Variants in UVSSA observed in about 807,000 individuals in gnomAD.
The protein encoded by UVSSA is UV stimulated scaffold protein A, also known as UV-stimulated scaffold protein A.
UVSSA carries 72 observed loss-of-function variants against 73.9 expected under a neutral mutation model. The ratio of observed to expected loss-of-function variants is 0.97; its 90% CI spans 0.81 to 1.19. The LOEUF (loss-of-function observed/expected upper bound fraction) is 1.19. Among genes scored for constraint, UVSSA ranks in the 50% most tolerant of loss-of-function variants. The pLI is 0.00. For missense variants in UVSSA, 1,150 were observed against 965.0 expected, an observed-to-expected ratio of 1.19 and a Z score of -2.54; for synonymous variants, 454 against 391.3, an observed-to-expected ratio of 1.16 and a Z score of -1.89.
In UVSSA at chr4:1,353,341, G is replaced by A. The variant is rs141268114; in HGVS notation, c.862G>A (p.Asp288Asn). 1.0e-4 allele frequency: 163 copies of A among 1,610,862 alleles called. No individual in the cohort carries two copies. In the African/African-American group the frequency reaches 1.6e-3, roughly 16 times the overall value. ...CCCCTCAGATGAGGACGAGGACAGC[G>A]ACCTCGAGGAGTTTGTGCGGAGCCA... ...GDPSDEDEDS[D>N]LEEFVRSHGL... Residue 288 changes from aspartate to asparagine, a missense_variant, in exon 5 of 14, where the codon GAC becomes AAC. Asp to Asn is a conservative substitution (Grantham distance 23). Transcript: ENST00000389851.
At position 1,386,224 on chromosome 4, in the gene UVSSA, G is replaced by T. The variant is rs1720102718; in HGVS notation, c.*263G>T. On this transcript the variant is annotated 3_prime_UTR_variant, in exon 14 of 14. Coordinates refer to ENST00000389851, the MANE Select transcript of UVSSA (RefSeq NM_020894.4). ...ACAGGCAGCGACCCTGTTCCAGAGG[G>T]CTTCTGCGAGTCCTCGTGAGACCAG... 21 of 452,444 alleles carry T rather than the reference G, an allele frequency of 4.6e-5. No homozygotes were observed. In the South Asian group the frequency reaches 4.9e-4, roughly 10 times the overall value. The allele number at this position is 452,444 out of a possible 1,614,324, so 28.0% of individuals were successfully genotyped here.
At chr4:1,352,694 G>A (rs1380208259) in intron 4 of UVSSA, among the ~76,000 whole-genome samples, 3 of 152,256 alleles carry the variant, frequency 2.0e-5, no homozygotes, top group Non-Finnish European at 2.9e-5. Context: ...ACTCATGCCT[G>A]TCATCCCGGC....
At chr4:1,383,734 C>T (rs763709423) in intron 12 of UVSSA, 32 bp from the exon 13 acceptor site, 38 of 1,611,352 alleles carry the variant, frequency 2.4e-5, no homozygotes, top group South Asian at 2.0e-4. Flanking sequence ...CAGTGCCAGA[C>T]GTCTCCTGAA....
At chr4:1,376,309 T>C in intron 10 of UVSSA, 141 bp downstream of exon 10, 2 of 1,301,052 alleles carry the variant, frequency 1.5e-6, no homozygotes, top group Non-Finnish European at 2.0e-6. Flanking sequence ...TCCGGGCACC[T>C]GGAGGGGCAC....
intron 7 of UVSSA, among the ~76,000 whole-genome samples, chr4:1,362,041 C>G (rs2109164045): frequency 6.6e-6 from 1 of 152,344 alleles, no homozygotes; most frequent in South Asian, 2.1e-4. Flanking sequence ...ACGGCCTCTC[C>G]TCTTCCTTTC....
chr4:1,353,274 A>G lies in UVSSA; in HGVS notation c.795A>G (p.Arg265=). 6.2e-7 allele frequency: 1 copy of G among 1,611,246 alleles called. No individual in the cohort carries two copies. The highest frequency in any genetic ancestry group is 1.1e-5 in the South Asian group (1 of 91,078). ...RDLPASAGHP[R]AGGGAQPSQT... is the part of the protein sequence containing the mutation. ...TGCCTGCCTCTGCAGGCCACCCCAG[A>G]GCGGGCGGCGGGGCACAGCCATCCC... The change falls in exon 5 of 14, where the codon AGA becomes AGG. Residue 265 remains arginine, a synonymous_variant. Coordinates refer to ENST00000389851, the MANE Select transcript of UVSSA (RefSeq NM_020894.4).
Position 1,387,295 on chromosome 4 carries a change from C to G in UVSSA, c.*1334C>G, listed in dbSNP as rs1164449627. ...ATTTCACTGTGTTGGCTGGGATGGT[C>G]TTGATCTCTTGACCTCGTGATCCAC... On this transcript the variant is annotated 3_prime_UTR_variant, in exon 14 of 14. Coordinates refer to ENST00000389851, the MANE Select transcript of UVSSA (RefSeq NM_020894.4). 2.0e-5 allele frequency: 3 copies of G among 152,134 alleles called. No homozygotes were observed. The highest frequency in any genetic ancestry group is 4.4e-5 in the Non-Finnish European group (3 of 68,064). 9.4% of individuals were successfully genotyped at this position (152,134 alleles called of 1,614,324 possible). A position where few individuals can be genotyped will look rare whatever the true frequency, so the allele number is the denominator to read the frequency against.
chr4:1,375,626 G>A, intron 9 of UVSSA, 118 bp downstream of exon 9: 1 of 1,466,818 alleles, frequency 6.8e-7, no homozygotes, highest in Non-Finnish European at 9.1e-7. Context: ...CTTGGTGGAA[G>A]CCTTGGGTGT....
chr4:1,348,178 G>C lies in UVSSA; in HGVS notation c.87G>C (p.Lys29Asn). ...RLNPEKMKEL[K>N]KICKSSEEQL... ...ATCCTGAGAAAATGAAGGAACTGAAGAAAATTTGCAAGTATGTCTTAGGGT... is the reference window on the plus strand; with the variant it reads ...ATCCTGAGAAAATGAAGGAACTGAACAAAATTTGCAAGTATGTCTTAGGGT... Residue 29 changes from lysine to asparagine, a missense_variant, in exon 2 of 14, where the codon AAG (lysine) becomes AAC (asparagine). By Grantham distance (94) the Lys-to-Asn change is moderately conservative. Coordinates refer to ENST00000389851, the MANE Select transcript of UVSSA (RefSeq NM_020894.4). 1.2e-6 allele frequency: 2 copies of C among 1,613,584 alleles called. No individual in the cohort carries two copies. The highest frequency in any genetic ancestry group is 2.7e-5 in the African/African-American group (2 of 75,044).
chr4:1,380,359 G>C (rs1054131614), intron 11 of UVSSA, 129 bp downstream of exon 11: 1 of 1,241,750 alleles, frequency 8.1e-7, no homozygotes, highest in South Asian at 1.5e-5. Context: ...CCCATGGAAG[G>C]GGCTTATCCG....
intron 11 of UVSSA, 37 bp downstream of exon 11, chr4:1,380,267 C>T: frequency 2.5e-6 from 4 of 1,588,736 alleles, no homozygotes; most frequent in Admixed American, 1.7e-5. Flanking sequence ...TGGGTGTGGG[C>T]TGGACCAGGT....
chr4:1,374,304 T>G lies in UVSSA; in HGVS notation c.1289-1060T>G, dbSNP rs1348690968. 3.3e-5 allele frequency among the ~76,000 whole-genome samples: 5 copies of G among 152,328 alleles called. No homozygotes were observed. The South Asian group carries it at 1.0e-3, about 32-fold the overall frequency. ...AACCCATAGCCTACCTGGCACCTCCTGTGCCTCCTGCCATCCCGACGCCTC... is the reference window on the plus strand; with the variant it reads ...AACCCATAGCCTACCTGGCACCTCCGGTGCCTCCTGCCATCCCGACGCCTC... On this transcript the variant is annotated intron_variant, in intron 8 of 13. Coordinates refer to ENST00000389851, the MANE Select transcript of UVSSA (RefSeq NM_020894.4).
chr4:1,346,651 C>T (rs936692754), upstream of UVSSA, among the ~76,000 whole-genome samples: 16 of 152,190 alleles, frequency 1.1e-4, no homozygotes, highest in South Asian at 3.1e-3. Flanking sequence ...GTTCAGGGCG[C>T]CCTGCGCGGG....
Position 1,380,080 on chromosome 4 carries a change from C to G in UVSSA, c.1602C>G (p.Ser534Arg), listed in dbSNP as rs756594755. 6.2e-7 allele frequency: 1 copy of G among 1,611,230 alleles called. No homozygotes were observed. Residue 534 changes from serine (S) to arginine (R), a missense_variant, in exon 11 of 14, where the codon AGC (serine) becomes AGG (arginine). Transcript: ENST00000389851. Reference protein sequence around the residue: ...SDSQHRFWKPSEVEEEVVNAD... With the variant: ...SDSQHRFWKPREVEEEVVNAD... ...CCCAGCACCGCTTCTGGAAGCCCAG[C>G]GAGGTGGAGGAGGAAGTGGTCAATG...
intron 7 of UVSSA, among the ~76,000 whole-genome samples, chr4:1,357,692 C>G (rs997011449): frequency 7.0e-6 from 1 of 142,026 alleles, no homozygotes; most frequent in Non-Finnish European, 1.5e-5. Context: ...ACCCTGCGTG[C>G]TCTTCATGAG....
At chr4:1,349,898 G>C (rs778046949) in intron 3 of UVSSA, 44 bp downstream of exon 3, 1 of 1,463,474 alleles carries the variant, frequency 6.8e-7, no homozygotes, top group Non-Finnish European at 9.1e-7. Flanking sequence ...GTTACCTGAC[G>C]TGAGGAGGGC....
chr4:1,383,020 C>T lies in UVSSA; in HGVS notation c.1862-746C>T, dbSNP rs546180292. ...CCCACCTCCGCCTTGTGTGGGGAAC[C>T]CCACAGGAAGCCTGGGCCTGTGACC... On this transcript the variant is annotated intron_variant, in intron 12 of 13. Transcript: ENST00000389851. 9.2e-5 allele frequency among the ~76,000 whole-genome samples: 14 copies of T among 152,340 alleles called. No individual in the cohort carries two copies. The South Asian group carries it at 2.9e-3, about 32-fold the overall frequency.
chr4:1,366,453 G>T (rs1332128479), intron 8 of UVSSA, 22 bp downstream of exon 8: 1 of 1,572,252 alleles, frequency 6.4e-7, no homozygotes, highest in South Asian at 1.2e-5. Context: ...GTCCCGTGGG[G>T]GGGGCACCTG....
chr4:1,378,222 C>T (rs1719007731), intron 10 of UVSSA, among the ~76,000 whole-genome samples: 1 of 152,190 alleles, frequency 6.6e-6, no homozygotes, highest in Admixed American at 6.5e-5. Flanking sequence ...CGGCCACAGG[C>T]AACCACTAGA....
Sources: allele counts gnomAD v4.1 joint callset (sites outside exome capture counted in the v4.1 genomes callset), GRCh38; gene constraint gnomAD v4.1.1; transcripts MANE v1.5; gene names NCBI Gene and HGNC (gene_info 2026-07-23, HGNC 2026-07-21).